Variants in PIR observed in about 807,000 individuals in gnomAD.
PIR encodes pirin.
A neutral mutation model predicts 24.2 loss-of-function variants in PIR; 22 were observed. The ratio of observed to expected loss-of-function variants is 0.91; its 90% CI spans 0.65 to 1.30. PIR has a LOEUF of 1.30. Among genes scored for constraint, PIR ranks in the 50% most tolerant of loss-of-function variants. The pLI, the probability that PIR is intolerant of heterozygous loss-of-function variation, is 0.00. For missense variants in PIR, 220 were observed against 220.3 expected, an observed-to-expected ratio of 1.00 and a Z score of 0.01; for synonymous variants, 80 against 79.6, an observed-to-expected ratio of 1.00 and a Z score of -0.03.
chrX:15,470,053 T>C (rs760164068), intron 3 of PIR, among the ~76,000 whole-genome samples: 1 of 111,504 alleles, frequency 9.0e-6, no homozygotes, highest in Non-Finnish European at 1.9e-5. Flanking sequence ...TGAGAAAATA[T>C]CAGATATATA....
intron 3 of PIR, among the ~76,000 whole-genome samples, chrX:15,471,330 T>G (rs952654928): frequency 8.9e-6 from 1 of 112,218 alleles, no homozygotes; most frequent in African/African-American, 3.2e-5. Flanking sequence ...TCACCTCCAG[T>G]TGAGAACCAC....
intron 6 of PIR, among the ~76,000 whole-genome samples, chrX:15,421,340 G>T (rs1487293214): frequency 1.8e-5 from 2 of 111,437 alleles, no homozygotes; most frequent in East Asian, 5.6e-4. Flanking sequence ...AAATACAGAA[G>T]ATCAATGAAG....
intron 6 of PIR, 45 bp from the exon 7 acceptor site, chrX:15,407,595 A>G: frequency 1.0e-6 from 1 of 971,549 alleles, no homozygotes; most frequent in Non-Finnish European, 1.5e-6. Context: ...CCATAATGCC[A>G]AAAGGAACAA....
At chrX:15,423,293 CAA>C (rs1169758204) in intron 6 of PIR, among the ~76,000 whole-genome samples, 1 of 111,995 alleles carries the variant, frequency 8.9e-6, no homozygotes, top group Non-Finnish European at 1.9e-5. Context: ...ATATCAAGCT[CAA>C]AAGCTTCTGC....
chrX:15,410,602 GT>G (rs1359611250), intron 6 of PIR, among the ~76,000 whole-genome samples: 1 of 110,921 alleles, frequency 9.0e-6, no homozygotes, highest in Non-Finnish European at 1.9e-5. Flanking sequence ...GCCTAGATCT[GT>G]TTTTTTTCCT....
intron 6 of PIR, among the ~76,000 whole-genome samples, chrX:15,415,696 C>T (rs1229635178): frequency 9.0e-6 from 1 of 111,249 alleles, no homozygotes; most frequent in Non-Finnish European, 1.9e-5. Context: ...TTCAGTCATT[C>T]CACAGTGTAT....
intron 3 of PIR, among the ~76,000 whole-genome samples, chrX:15,462,357 G>C (rs376287498): frequency 9.0e-6 from 1 of 111,658 alleles, no homozygotes; most frequent in Non-Finnish European, 1.9e-5. Context: ...ATTTGGATTC[G>C]ACATCCATTT....
intron 6 of PIR, among the ~76,000 whole-genome samples, chrX:15,420,618 TC>T (rs774522490): frequency 8.9e-6 from 1 of 111,946 alleles, no homozygotes; most frequent in East Asian, 2.8e-4. Flanking sequence ...CAAAGTGAAT[TC>T]CCATTGATAG....
intron 7 of PIR, among the ~76,000 whole-genome samples, chrX:15,402,872 C>G (rs866023014): frequency 6.2e-5 from 7 of 112,124 alleles, no homozygotes. Context: ...TACCAACTCT[C>G]TTTTCACATT....
chrX:15,450,196 G>T (rs1002191447), intron 5 of PIR, among the ~76,000 whole-genome samples: 3 of 111,288 alleles, frequency 2.7e-5, no homozygotes, highest in Non-Finnish European at 5.7e-5. Flanking sequence ...ATCACAGAGC[G>T]CTCTGATTTA....
intron 8 of PIR, among the ~76,000 whole-genome samples, chrX:15,392,633 A>C (rs1923995263): frequency 8.9e-6 from 1 of 111,823 alleles, no homozygotes; most frequent in African/African-American, 3.2e-5. Context: ...GTAGGGTAGA[A>C]TGGTTTCTTC....
At chrX:15,405,368 C>A (rs1372219309) in intron 7 of PIR, among the ~76,000 whole-genome samples, 2 of 111,986 alleles carry the variant, frequency 1.8e-5, no homozygotes, top group Non-Finnish European at 3.8e-5. Flanking sequence ...GAATAGCCAC[C>A]CAATTTGTTT....
chrX:15,488,278 C>CAAAAAAAA (rs1184870069), intron 2 of PIR, among the ~76,000 whole-genome samples: 3 of 31,904 alleles, frequency 9.4e-5, no homozygotes, highest in Non-Finnish European at 1.3e-4. Flanking sequence ...AACTCCGTCT[C>CAAAAAAAA]AAAAAAAAAA....
At chrX:15,398,436 T>C (rs1050190317) in intron 7 of PIR, among the ~76,000 whole-genome samples, 2 of 110,734 alleles carry the variant, frequency 1.8e-5, no homozygotes, top group Admixed American at 9.7e-5. Flanking sequence ...ACCACAGATA[T>C]TTGTTGTGGA....
intron 9 of PIR, among the ~76,000 whole-genome samples, chrX:15,389,219 A>G (rs1235949275): frequency 4.5e-5 from 5 of 112,328 alleles, no homozygotes; most frequent in Non-Finnish European, 9.4e-5. Flanking sequence ...AACAAACTAT[A>G]ATATTGCAGT....
At chrX:15,434,426 A>C (rs1333716980) in intron 5 of PIR, among the ~76,000 whole-genome samples, 1 of 109,506 alleles carries the variant, frequency 9.1e-6, no homozygotes, top group Non-Finnish European at 1.9e-5. Flanking sequence ...AGGAGGAAGG[A>C]GGAGGAGGAA....
chrX:15,405,411 G>A (rs372241376), intron 7 of PIR, among the ~76,000 whole-genome samples: 4 of 112,143 alleles, frequency 3.6e-5, no homozygotes, highest in Non-Finnish European at 7.5e-5. Context: ...TGTGAGACAC[G>A]GGCAGGGCTA....
chrX:15,462,261 G>A (rs1183363714), intron 3 of PIR, among the ~76,000 whole-genome samples: 2 of 111,981 alleles, frequency 1.8e-5, no homozygotes, highest in South Asian at 3.7e-4. Flanking sequence ...TCAGGAACAC[G>A]GCAACATTGT....
intron 2 of PIR, among the ~76,000 whole-genome samples, chrX:15,484,312 T>TTTC (rs1569212679): frequency 1.3e-5 from 1 of 75,184 alleles, no homozygotes; most frequent in East Asian, 4.3e-4. Flanking sequence ...TTTTCTTTTT[T>TTTC]TTTTTTTTTT....
Sources: allele counts gnomAD v4.1 joint callset (sites outside exome capture counted in the v4.1 genomes callset), GRCh38; gene constraint gnomAD v4.1.1; transcripts MANE v1.5; gene names NCBI Gene and HGNC (gene_info 2026-07-23, HGNC 2026-07-21).